SEPTIN10: variants seen among roughly 807,000 people sequenced by gnomAD.
SEPTIN10 encodes the protein septin 10.
SEPTIN10 carries 66 observed loss-of-function variants against 54.8 expected under a neutral mutation model. That is an observed-to-expected ratio of 1.21 (90% CI 0.99 to 1.48). SEPTIN10 has a LOEUF of 1.48. Ranked by LOEUF, SEPTIN10 falls within the 40% of genes most tolerant of loss-of-function variation. The pLI is 0.00. For missense variants in SEPTIN10, 620 were observed against 545.6 expected (o/e 1.14, Z -1.36); for synonymous variants, 161 against 181.0 (o/e 0.89, Z 0.89).
chr2:109,579,406 G>A (rs1690550419), intron 4 of SEPTIN10, among the ~76,000 whole-genome samples: 1 of 143,220 alleles, frequency 7.0e-6, no homozygotes, highest in African/African-American at 2.6e-5. Flanking sequence ...TTTTTGAGAT[G>A]GAGTTTCGCT....
At chr2:109,595,819 C>T (rs1695179948) in intron 1 of SEPTIN10, among the ~76,000 whole-genome samples, 1 of 152,160 alleles carries the variant, frequency 6.6e-6, no homozygotes, top group African/African-American at 2.4e-5. Context: ...AGGCTAAGTG[C>T]CACAGATAAT....
chr2:109,548,336 T>C (rs535958055), intron 9 of SEPTIN10, among the ~76,000 whole-genome samples: 1 of 152,324 alleles, frequency 6.6e-6, no homozygotes, highest in East Asian at 1.9e-4. Flanking sequence ...ATTAACATTT[T>C]AGTTCTGGGT....
intron 4 of SEPTIN10, among the ~76,000 whole-genome samples, chr2:109,581,710 G>GA (rs1197653666): frequency 4.6e-5 from 7 of 152,092 alleles, no homozygotes; most frequent in Admixed American, 1.3e-4. Flanking sequence ...AAGTTAATGA[G>GA]AAAAAACAAG....
chr2:109,552,152 T>C (rs897509717), intron 9 of SEPTIN10, among the ~76,000 whole-genome samples: 1 of 152,150 alleles, frequency 6.6e-6, no homozygotes, highest in Admixed American at 6.5e-5. Context: ...GAGAATCTAA[T>C]GCCTGATGAT....
At chr2:109,572,748 C>G (rs1688716655) in intron 5 of SEPTIN10, among the ~76,000 whole-genome samples, 1 of 151,460 alleles carries the variant, frequency 6.6e-6, no homozygotes, top group Non-Finnish European at 1.5e-5. Context: ...TCCTGAGTAG[C>G]TGGGGCTACA....
At chr2:109,544,786 C>CA in intron 10 of SEPTIN10, 1 of 808,138 alleles carries the variant, frequency 1.2e-6, no homozygotes, top group Non-Finnish European at 1.5e-6. Context: ...TTTATTCTTT[C>CA]AAAAATAATT....
At chr2:109,547,673 G>A (rs959240200) in intron 9 of SEPTIN10, among the ~76,000 whole-genome samples, 7 of 152,024 alleles carry the variant, frequency 4.6e-5, no homozygotes, top group African/African-American at 1.7e-4. Flanking sequence ...ATCATAGAAG[G>A]CATATTTCTC....
intron 9 of SEPTIN10, among the ~76,000 whole-genome samples, chr2:109,547,688 C>G (rs1202284401): frequency 1.3e-5 from 2 of 152,080 alleles, no homozygotes; most frequent in Non-Finnish European, 1.5e-5. Context: ...TTTCTCAAAG[C>G]TATGAAGGGC....
chr2:109,569,917 G>A (rs1687961082), intron 5 of SEPTIN10, among the ~76,000 whole-genome samples: 1 of 152,032 alleles, frequency 6.6e-6, no homozygotes, highest in South Asian at 2.1e-4. Flanking sequence ...ACAACTATCT[G>A]GAGGTGGCCT....
At chr2:109,593,906 A>G (rs1182052767) in intron 1 of SEPTIN10, among the ~76,000 whole-genome samples, 2 of 152,218 alleles carry the variant, frequency 1.3e-5, no homozygotes, top group Non-Finnish European at 2.9e-5. Flanking sequence ...CCATATCACT[A>G]TGCTAGCTCA....
chr2:109,582,152 G>A (rs1445213934), intron 4 of SEPTIN10, among the ~76,000 whole-genome samples: 2 of 151,292 alleles, frequency 1.3e-5, no homozygotes, highest in Non-Finnish European at 2.9e-5. Flanking sequence ...ATCTAACCAA[G>A]GAGGTGAAAG....
rs369866327 is a variant in SEPTIN10 at position 109,578,225 on chromosome 2, T to C, written c.414-3458A>G. Among the ~76,000 whole-genome samples the C allele has an allele frequency of 7.2e-5, 11 of 152,080 alleles. No homozygotes were observed. In the East Asian group the frequency reaches 7.7e-4, roughly 11 times the overall value. On this transcript the variant is annotated intron_variant, in intron 4 of 10. Transcript: ENST00000397712. ...CATTAATTTTGAAGGAATTACACGA[T>C]CAAATAAAGGGTAACCATTGTCAGA... is the stretch of plus-strand genomic sequence containing the variant.
At chr2:109,564,329 T>C in intron 8 of SEPTIN10, 37 bp downstream of exon 8, 1 of 1,482,830 alleles carries the variant, frequency 6.7e-7, no homozygotes, top group South Asian at 1.5e-5. Flanking sequence ...CCTCTCTAAC[T>C]TCCTCTTTGG....
intron 1 of SEPTIN10, among the ~76,000 whole-genome samples, chr2:109,604,505 ATCACGAGG>A (rs1462573985): frequency 1.3e-5 from 2 of 151,690 alleles, no homozygotes; most frequent in African/African-American, 4.8e-5. Context: ...GGCGGGTGGG[ATCACGAGG>A]TCAGGAGATC....
chr2:109,557,925 TG>T (rs1042369945), intron 8 of SEPTIN10, among the ~76,000 whole-genome samples: 1 of 151,166 alleles, frequency 6.6e-6, no homozygotes, highest in African/African-American at 2.4e-5. Context: ...CCCAAGTAGC[TG>T]GGACTATATG....
intron 2 of SEPTIN10, among the ~76,000 whole-genome samples, chr2:109,589,284 G>A (rs1693391288): frequency 6.6e-6 from 1 of 152,104 alleles, no homozygotes; most frequent in Non-Finnish European, 1.5e-5. Context: ...TATAATCTCA[G>A]CACTTTAGGA....
chr2:109,547,828 T>C (rs1486312852), intron 9 of SEPTIN10, among the ~76,000 whole-genome samples: 3 of 152,200 alleles, frequency 2.0e-5, no homozygotes, highest in African/African-American at 2.4e-5. Context: ...ATATTAGCCA[T>C]TGTTAATAAC....
chr2:109,564,416 T>C lies in SEPTIN10; in HGVS notation c.978A>G (p.Lys326=). Reference sequence around the variant, plus strand: ...CATCTGTAAAGCCCATTTCCTCCAGTTTGCAGCGCCTGTAAAGCTCATAGT... The same window carrying C: ...CATCTGTAAAGCCCATTTCCTCCAGCTTGCAGCGCCTGTAAAGCTCATAGT... ...TRHYELYRRC[K]LEEMGFTDVG... Residue 326 remains lysine (K), a synonymous_variant, in exon 8 of 11, where the codon AAA becomes AAG. Transcript: ENST00000397712. The C allele has an allele frequency of 1.3e-6, 2 of 1,595,014 alleles. No homozygotes were observed. Among genetic ancestry groups the C allele is most frequent in the Non-Finnish European group, 1.7e-6 (2 of 1,168,178 alleles).
Position 109,546,217 on chromosome 2 carries a change from G to A in SEPTIN10, c.1182C>T (p.His394=), listed in dbSNP as rs1558683417. ...AERELQAKFE[H]LKRLHQEERM... is the part of the protein sequence containing the mutation. ...TCTCTTCTTGGTGAAGTCTCTTAAGGTGCTCAAATTTGGCCTGTAGCTGGA... is the reference window on the plus strand; with the variant it reads ...TCTCTTCTTGGTGAAGTCTCTTAAGATGCTCAAATTTGGCCTGTAGCTGGA... The change falls in exon 10 of 11, where the codon CAC becomes CAT. Residue 394 remains histidine, a synonymous_variant. Transcript: ENST00000397712. 2 of 1,571,392 alleles carry A rather than the reference G, an allele frequency of 1.3e-6. No individual in the cohort carries two copies. Among genetic ancestry groups the A allele is most frequent in the Admixed American group, 3.9e-5 (2 of 51,802 alleles).
Sources: allele counts gnomAD v4.1 joint callset (sites outside exome capture counted in the v4.1 genomes callset), GRCh38; gene constraint gnomAD v4.1.1; transcripts MANE v1.5; gene names NCBI Gene and HGNC (gene_info 2026-07-23, HGNC 2026-07-21).